Variants in KLHL32 observed in about 807,000 individuals in gnomAD.
KLHL32 encodes kelch-like protein 32.
A neutral mutation model predicts 64.8 loss-of-function variants in KLHL32; 35 were observed. The ratio of observed to expected loss-of-function variants is 0.54; its 90% CI spans 0.41 to 0.72. The LOEUF (loss-of-function observed/expected upper bound fraction) is 0.72, where lower values mean the gene tolerates loss of function less well. Among genes scored for constraint, KLHL32 ranks in the 30% least tolerant of loss-of-function variants. The probability of loss-of-function intolerance (pLI) is 0.00; values close to 1 mark genes in which losing one functional copy is unlikely to be tolerated. For synonymous variants in KLHL32, 259 were observed against 281.0 expected, an observed-to-expected ratio of 0.92 and a Z score of 0.78; for missense variants, 589 against 768.5, an observed-to-expected ratio of 0.77 and a Z score of 2.76.
At chr6:97,019,602 T>C (rs746520576) in intron 3 of KLHL32, among the ~76,000 whole-genome samples, 10 of 152,172 alleles carry the variant, frequency 6.6e-5, no homozygotes, top group Non-Finnish European at 1.5e-4. Context: ...CAGCTAGGAA[T>C]GAAGAATTCT....
At chr6:97,008,486 G>A (rs1032769734) in intron 3 of KLHL32, among the ~76,000 whole-genome samples, 8 of 152,170 alleles carry the variant, frequency 5.3e-5, no homozygotes, top group African/African-American at 1.4e-4. Context: ...CTAGAGGAGC[G>A]TAGGTGTCCC....
intron 6 of KLHL32, among the ~76,000 whole-genome samples, chr6:97,105,058 C>T (rs544731964): frequency 6.6e-6 from 1 of 152,286 alleles, no homozygotes; most frequent in Admixed American, 6.5e-5. Flanking sequence ...AATCGCAACA[C>T]CTGCTCACTT....
chr6:97,027,791 C>T (rs1782951916), intron 3 of KLHL32, among the ~76,000 whole-genome samples: 1 of 152,208 alleles, frequency 6.6e-6, no homozygotes, highest in Non-Finnish European at 1.5e-5. Flanking sequence ...TTCTGCCCAG[C>T]CTACAAAACT....
intron 3 of KLHL32, among the ~76,000 whole-genome samples, chr6:97,018,765 A>G (rs1231587538): frequency 2.0e-5 from 3 of 152,218 alleles, no homozygotes; most frequent in African/African-American, 4.8e-5. Context: ...TAGAAATTCT[A>G]TGCTGGCCAA....
chr6:97,113,410 A>G lies in KLHL32; in HGVS notation c.628-373A>G, dbSNP rs373174127. Among the ~76,000 whole-genome samples the G allele has an allele frequency of 3.8e-4, 58 of 152,242 alleles. 2 individuals carry two copies. The East Asian group carries it at 6.0e-3, about 16-fold the overall frequency. Reference sequence around the variant, plus strand: ...CTGAGCTTTGATGACACCTCCCACCATTGACATTTCCTGGTGGTGGGGTGT... The same window carrying G: ...CTGAGCTTTGATGACACCTCCCACCGTTGACATTTCCTGGTGGTGGGGTGT... On this transcript the variant is annotated intron_variant, in intron 6 of 10. Transcript: ENST00000369261.
At chr6:97,105,790 A>T (rs1796333591) in intron 6 of KLHL32, among the ~76,000 whole-genome samples, 1 of 152,186 alleles carries the variant, frequency 6.6e-6, no homozygotes, top group Non-Finnish European at 1.5e-5. Context: ...TGTTACTTTT[A>T]GACAATGACA....
At chr6:97,030,453 G>T (rs75082221) in intron 3 of KLHL32, among the ~76,000 whole-genome samples, 4,915 of 152,268 alleles carry the variant, frequency 0.032, 239 homozygotes, top group African/African-American at 0.11. Context: ...ACTTAAAGTG[G>T]ATTATATACT....
chr6:97,121,216 T>A (rs1262298168), intron 7 of KLHL32, among the ~76,000 whole-genome samples: 2 of 152,240 alleles, frequency 1.3e-5, no homozygotes, highest in East Asian at 3.8e-4. Context: ...ATTTGAACTC[T>A]GTGTCTCTGG....
At position 96,966,993 on chromosome 6, in the gene KLHL32, C is replaced by G. The variant is rs1043720228; in HGVS notation, c.-65-3C>G. The G allele has an allele frequency of 2.1e-6, 3 of 1,431,888 alleles. No individual in the cohort carries two copies. Among genetic ancestry groups the G allele is most frequent in the Admixed American group, 3.4e-5 (2 of 59,052 alleles). 88.7% of individuals were successfully genotyped at this position (1,431,888 alleles called of 1,614,324 possible). A position where few individuals can be genotyped will look rare whatever the true frequency, so the allele number is the denominator to read the frequency against. On this transcript the variant is annotated splice_region_variant and splice_polypyrimidine_tract_variant and intron_variant, in intron 1 of 10. Coordinates refer to ENST00000369261, the MANE Select transcript of KLHL32 (RefSeq NM_052904.4). ...CACCCTTTTCTCTTGTCTTTTTATTCAGCTGGAATGCTTGCTGATTCCTCT... is the reference window on the plus strand; with the variant it reads ...CACCCTTTTCTCTTGTCTTTTTATTGAGCTGGAATGCTTGCTGATTCCTCT...
rs1793311943 is a variant in KLHL32 at position 97,085,713 on chromosome 6, G to GTATTATTT, written c.627+372_627+373insTATTATTT. On this transcript the variant is annotated intron_variant, in intron 6 of 10. Transcript: ENST00000369261. Reference sequence around the variant, plus strand: ...GATATATATGCATATTTAAGACCAGGAGAATCAGAGTAAATTTGGGCCTTT... The same window carrying GTATTATTT: ...GATATATATGCATATTTAAGACCAGGTATTATTTAGAATCAGAGTAAATTTGGGCCTTT... Among the ~76,000 whole-genome samples, 54 of 152,110 alleles carry GTATTATTT rather than the reference G, an allele frequency of 3.6e-4. 1 individual carries two copies. The highest frequency in any genetic ancestry group is 3.5e-3 in the Admixed American group (54 of 15,268).
rs192492482 is a variant in KLHL32 at position 97,020,897 on chromosome 6, C to T, written c.205-20595C>T. Among the ~76,000 whole-genome samples, 8 of 150,896 alleles carry T rather than the reference C, an allele frequency of 5.3e-5. No individual in the cohort carries two copies. The East Asian group carries it at 1.4e-3, about 26-fold the overall frequency. The stretch of plus-strand genomic sequence containing the variant: ...CAGGACTGACCCAGGTTCAGTCCTT[C>T]CACCTTGCTGTCTCTATTAGCTTCC... On this transcript the variant is annotated intron_variant, in intron 3 of 10. Transcript: ENST00000369261.
intron 8 of KLHL32, among the ~76,000 whole-genome samples, chr6:97,128,012 A>G (rs542401096): frequency 6.6e-6 from 1 of 152,254 alleles, no homozygotes; most frequent in South Asian, 2.1e-4. Flanking sequence ...AAATATTTTT[A>G]TTCTCTTTTC....
In KLHL32 at chr6:97,139,738, CAGTAG is replaced by C. The variant is rs1800482365; in HGVS notation, c.*459_*463del. On this transcript the variant is annotated 3_prime_UTR_variant, in exon 11 of 11. Coordinates refer to ENST00000369261, the MANE Select transcript of KLHL32 (RefSeq NM_052904.4). ...AAATTTAACATTATGCAGCCCTGCT[CAGTAG>C]AGACTCACTCAGCATTATGACATCA... The C allele has an allele frequency of 6.5e-6, 1 of 152,734 alleles. No individual in the cohort carries two copies. Among genetic ancestry groups the C allele is most frequent in the Non-Finnish European group, 1.5e-5 (1 of 68,496 alleles). 9.5% of individuals were successfully genotyped at this position (152,734 alleles called of 1,614,324 possible). A position where few individuals can be genotyped will look rare whatever the true frequency, so the allele number is the denominator to read the frequency against.
At position 96,973,730 on chromosome 6, in the gene KLHL32, CT is replaced by C. The variant is rs558193523; in HGVS notation, c.24-2256del. On this transcript the variant is annotated intron_variant, in intron 2 of 10. Transcript: ENST00000369261. ...GATTTTTGAGATCTTTACAGATTGC[CT>C]TTTTTTTTTTAGACAGAGTCTCGCT... is the stretch of plus-strand genomic sequence containing the variant. 5.8e-4 allele frequency among the ~76,000 whole-genome samples: 69 copies of C among 118,178 alleles called. 2 individuals are homozygous for C. In the East Asian group the frequency reaches 8.2e-3, roughly 14 times the overall value. 77.5% of individuals were successfully genotyped at this position (118,178 alleles called of 152,430 possible).
At chr6:97,044,223 G>A (rs981370012) in intron 4 of KLHL32, among the ~76,000 whole-genome samples, 1 of 152,072 alleles carries the variant, frequency 6.6e-6, no homozygotes, top group African/African-American at 2.4e-5. Flanking sequence ...TTTGTCAAAT[G>A]CTTTTTCTGA....
At chr6:96,903,908 A>T in the KLHL32 span, among the ~76,000 whole-genome samples, 1 of 152,212 alleles carries the variant, frequency 6.6e-6, no homozygotes, top group East Asian at 1.9e-4. Flanking sequence ...TATAAATGTT[A>T]TGTTATTTGT....
chr6:97,055,040 T>A (rs536635968), intron 4 of KLHL32, among the ~76,000 whole-genome samples: 99 of 152,360 alleles, frequency 6.5e-4, no homozygotes, highest in Non-Finnish European at 1.2e-3. Context: ...TGGTTGGCAC[T>A]GGAGAAAGTC....
At chr6:97,088,499 A>C (rs1056520775) in intron 6 of KLHL32, among the ~76,000 whole-genome samples, 2 of 152,196 alleles carry the variant, frequency 1.3e-5, no homozygotes, top group Non-Finnish European at 1.5e-5. Flanking sequence ...ATATTTTCAG[A>C]CTGATGAGCC....
At chr6:96,945,645 G>T (rs573226638) in intron 1 of KLHL32, among the ~76,000 whole-genome samples, 1 of 152,294 alleles carries the variant, frequency 6.6e-6, no homozygotes, top group South Asian at 2.1e-4. Context: ...GATCCTGAGT[G>T]CACAACATTG....
Sources: allele counts gnomAD v4.1 joint callset (sites outside exome capture counted in the v4.1 genomes callset), GRCh38; gene constraint gnomAD v4.1.1; transcripts MANE v1.5; gene names NCBI Gene and HGNC (gene_info 2026-07-23, HGNC 2026-07-21).